The following NPFFR2 variants were observed in gnomAD, a reference collection of about 807,000 sequenced individuals.
The protein encoded by NPFFR2 is neuropeptide FF receptor 2, also known as G-protein coupled receptor 74.
NPFFR2 carries 15 observed loss-of-function variants against 13.1 expected under a neutral mutation model. That is an observed-to-expected ratio of 1.15 (90% CI 0.77 to 1.76). NPFFR2 has a LOEUF of 1.76. Among genes scored for constraint, NPFFR2 ranks in the 40% most tolerant of loss-of-function variants. NPFFR2 has a pLI of 0.00. For missense variants in NPFFR2, 572 were observed against 503.5 expected (o/e 1.14, Z -1.30); for synonymous variants, 190 against 175.7 (o/e 1.08, Z -0.65).
intron 3 of NPFFR2, among the ~76,000 whole-genome samples, chr4:72,145,445 T>C (rs1722745556): frequency 6.6e-6 from 1 of 151,918 alleles, no homozygotes; most frequent in Admixed American, 6.6e-5. Context: ...CCTATATAAA[T>C]ATATGTACTT....
intron 3 of NPFFR2, among the ~76,000 whole-genome samples, chr4:72,140,029 G>A (rs1722552338): frequency 6.6e-6 from 1 of 152,114 alleles, no homozygotes; most frequent in Non-Finnish European, 1.5e-5. Context: ...ATTGTGAATG[G>A]GAGTTCACTC....
chr4:72,067,458 A>G (rs1198952017), intron 1 of NPFFR2, among the ~76,000 whole-genome samples: 1 of 152,190 alleles, frequency 6.6e-6, no homozygotes, highest in African/African-American at 2.4e-5. Flanking sequence ...ATCTTAATGA[A>G]TAATACCTGG....
intron 2 of NPFFR2, among the ~76,000 whole-genome samples, chr4:72,136,789 C>G (rs1012749618): frequency 3.3e-5 from 5 of 152,142 alleles, no homozygotes; most frequent in African/African-American, 1.2e-4. Context: ...AGAGAGTAAA[C>G]CTCCATTCTT....
chr4:72,103,763 T>A (rs1721327413), intron 1 of NPFFR2, among the ~76,000 whole-genome samples: 1 of 152,112 alleles, frequency 6.6e-6, no homozygotes. Context: ...CATTAATGAT[T>A]TATGTTGTCT....
chr4:72,107,837 G>T (rs1421892469), intron 1 of NPFFR2, among the ~76,000 whole-genome samples: 1 of 151,896 alleles, frequency 6.6e-6, no homozygotes, highest in African/African-American at 2.4e-5. Context: ...ACAGTCAAAA[G>T]AATTGTATGA....
Position 72,147,116 on chromosome 4 carries a change from T to C in NPFFR2, c.567T>C (p.Tyr189=), listed in dbSNP as rs141010660. Residue 189 remains tyrosine, a synonymous_variant, in exon 4 of 4, where the codon TAT becomes TAC. Coordinates refer to ENST00000308744, the MANE Select transcript of NPFFR2 (RefSeq NM_004885.3). ...AVMLHVQEEK[Y]YRVRLNSQNK... Reference sequence around the variant, plus strand: ...TGTTACATGTGCAAGAAGAAAAATATTACCGAGTGAGACTCAACTCCCAGA... The same window carrying C: ...TGTTACATGTGCAAGAAGAAAAATACTACCGAGTGAGACTCAACTCCCAGA... The C allele has an allele frequency of 4.9e-3, 7,946 of 1,614,084 alleles. 33 individuals carry two copies. Among genetic ancestry groups the C allele is most frequent in the Non-Finnish European group, 6.2e-3 (7,291 of 1,180,014 alleles).
chr4:72,055,776 G>C (rs1719725941), intron 1 of NPFFR2, among the ~76,000 whole-genome samples: 2 of 151,908 alleles, frequency 1.3e-5, no homozygotes, highest in Non-Finnish European at 1.5e-5. Flanking sequence ...AAGCAAAATA[G>C]CTTTATGGCT....
rs182247605 is a variant in NPFFR2 at position 72,037,171 on chromosome 4, C to T, written c.-8+4971C>T. ...CTTTGGGAGGCAGAGGCAGGAGGAT[C>T]GCTTGAGCTCAGTTTGAGATCAGCC... is the stretch of plus-strand genomic sequence containing the variant. On this transcript the variant is annotated intron_variant, in intron 1 of 3. Transcript: ENST00000308744. Among the ~76,000 whole-genome samples the T allele has an allele frequency of 7.3e-4, 111 of 151,498 alleles. 1 individual carries two copies. The highest frequency in any genetic ancestry group is 2.9e-3 in the Admixed American group (44 of 15,202).
At chr4:72,056,491 G>C (rs1163576818) in intron 1 of NPFFR2, among the ~76,000 whole-genome samples, 1 of 151,980 alleles carries the variant, frequency 6.6e-6, no homozygotes, top group Non-Finnish European at 1.5e-5. Context: ...GATTAATGTA[G>C]TTTTCATGCC....
intron 1 of NPFFR2, among the ~76,000 whole-genome samples, chr4:72,113,987 G>T (rs1373168123): frequency 6.6e-6 from 1 of 151,996 alleles, no homozygotes; most frequent in African/African-American, 2.4e-5. Context: ...TCCTTTACCA[G>T]GGACATTCTG....
chr4:72,117,232 A>G (rs1257077270), intron 1 of NPFFR2, among the ~76,000 whole-genome samples: 1 of 151,960 alleles, frequency 6.6e-6, no homozygotes, highest in Non-Finnish European at 1.5e-5. Flanking sequence ...TACTGGCCTC[A>G]TTCCTTTCTC....
Position 72,038,494 on chromosome 4 carries a change from G to T in NPFFR2, c.-8+6294G>T, listed in dbSNP as rs74495723. Among the ~76,000 whole-genome samples, 586 of 150,220 alleles carry T rather than the reference G, an allele frequency of 3.9e-3. 3 individuals carry two copies. The highest frequency in any genetic ancestry group is 0.014 in the African/African-American group (563 of 40,964). ...TGCATCTTTTTACAGGTCCAGACAA[G>T]TTGCCGAAACTTCAACCTTATCATT... On this transcript the variant is annotated intron_variant, in intron 1 of 3. Transcript: ENST00000308744.
intron 1 of NPFFR2, among the ~76,000 whole-genome samples, chr4:72,085,242 T>C (rs1720732710): frequency 2.6e-5 from 4 of 152,180 alleles, no homozygotes; most frequent in African/African-American, 7.2e-5. Context: ...GGCTCTCAGC[T>C]GAACATGGAG....
chr4:72,071,451 T>C (rs886689511), intron 1 of NPFFR2, among the ~76,000 whole-genome samples: 3 of 152,198 alleles, frequency 2.0e-5, no homozygotes, highest in Admixed American at 2.0e-4. Context: ...GCATAAAGCA[T>C]GTGAAATCTT....
intron 3 of NPFFR2, among the ~76,000 whole-genome samples, chr4:72,138,419 C>A (rs1023112114): frequency 6.6e-6 from 1 of 151,562 alleles, no homozygotes; most frequent in Admixed American, 6.6e-5. Flanking sequence ...CCTGCCCCCC[C>A]ACCCAATGCA....
intron 1 of NPFFR2, among the ~76,000 whole-genome samples, chr4:72,059,893 A>G (rs1477257920): frequency 6.6e-6 from 1 of 152,136 alleles, no homozygotes; most frequent in African/African-American, 2.4e-5. Context: ...GGGAACCTGC[A>G]CATTAACAAT....
intron 1 of NPFFR2, among the ~76,000 whole-genome samples, chr4:72,126,875 C>T (rs1722056608): frequency 6.6e-6 from 1 of 152,190 alleles, no homozygotes; most frequent in Non-Finnish European, 1.5e-5. Context: ...ACCCCATGTA[C>T]ATTTTCCATT....
intron 3 of NPFFR2, among the ~76,000 whole-genome samples, chr4:72,144,866 C>G (rs905148716): frequency 1.3e-5 from 2 of 152,180 alleles, no homozygotes; most frequent in East Asian, 1.9e-4. Context: ...TAGTTCTGAA[C>G]CAGGCCACTG....
chr4:72,078,158 A>T (rs4501189), intron 1 of NPFFR2, among the ~76,000 whole-genome samples: 1 of 152,004 alleles, frequency 6.6e-6, no homozygotes, highest in African/African-American at 2.4e-5. Flanking sequence ...TAAGATTCAT[A>T]TTTTGCATAT....
Sources: allele counts gnomAD v4.1 joint callset (sites outside exome capture counted in the v4.1 genomes callset), GRCh38; gene constraint gnomAD v4.1.1; transcripts MANE v1.5; gene names NCBI Gene and HGNC (gene_info 2026-07-23, HGNC 2026-07-21).